The following PRKN variants were observed in gnomAD, a reference collection of about 807,000 sequenced individuals.
PRKN encodes E3 ubiquitin-protein ligase parkin.
A neutral mutation model predicts 59.5 loss-of-function variants in PRKN; 56 were observed. That is an observed-to-expected ratio of 0.94 (90% confidence interval 0.76 to 1.18). The LOEUF is 1.18. PRKN is among the 50% of genes most tolerant of loss of function. PRKN has a pLI of 0.00. For synonymous variants in PRKN, 250 were observed against 222.1 expected (o/e 1.13, Z -1.12); for missense variants, 657 against 596.4 (o/e 1.10, Z -1.06).
At chr6:161,717,287 G>A (rs1247564104) in intron 7 of PRKN, among the ~76,000 whole-genome samples, 1 of 152,212 alleles carries the variant, frequency 6.6e-6, no homozygotes, top group African/African-American at 2.4e-5. Flanking sequence ...CAAGAGGACT[G>A]AGAATGGCAT....
At chr6:162,664,357 T>TTG (rs1779015227) in intron 1 of PRKN, among the ~76,000 whole-genome samples, 9 of 152,198 alleles carry the variant, frequency 5.9e-5, no homozygotes, top group Admixed American at 5.9e-4. Flanking sequence ...TAAACATACG[T>TTG]GTACATATGT....
chr6:161,622,717 T>C (rs1782952414), intron 7 of PRKN, among the ~76,000 whole-genome samples: 1 of 152,196 alleles, frequency 6.6e-6, no homozygotes, highest in Non-Finnish European at 1.5e-5. Context: ...AGTTGATTTA[T>C]GAGGAAGAGG....
chr6:161,479,356 T>C (rs1791278106), intron 9 of PRKN, among the ~76,000 whole-genome samples: 1 of 152,236 alleles, frequency 6.6e-6, no homozygotes, highest in Non-Finnish European at 1.5e-5. Flanking sequence ...CCTAGAAAGA[T>C]AAGTAATAAT....
intron 1 of PRKN, among the ~76,000 whole-genome samples, chr6:162,517,368 C>T (rs926316041): frequency 6.6e-6 from 1 of 151,312 alleles, no homozygotes; most frequent in African/African-American, 2.4e-5. Context: ...TTGCCTCAGC[C>T]GCCGGAGTAG....
chr6:161,801,807 G>A (rs1377012875), intron 6 of PRKN, among the ~76,000 whole-genome samples: 2 of 152,126 alleles, frequency 1.3e-5, no homozygotes, highest in Non-Finnish European at 2.9e-5. Context: ...CCAGGACTGG[G>A]CACCCCAGGT....
At chr6:162,670,120 T>C (rs920521100) in intron 1 of PRKN, among the ~76,000 whole-genome samples, 1 of 152,184 alleles carries the variant, frequency 6.6e-6, no homozygotes, top group Non-Finnish European at 1.5e-5. Flanking sequence ...TACAACTGAT[T>C]ACATGTATGC....
intron 5 of PRKN, among the ~76,000 whole-genome samples, chr6:162,053,554 G>A (rs953698006): frequency 6.6e-6 from 1 of 152,164 alleles, no homozygotes; most frequent in African/African-American, 2.4e-5. Context: ...TGTGCAAAGA[G>A]AGAAAGGATT....
intron 7 of PRKN, among the ~76,000 whole-genome samples, chr6:161,755,702 A>C (rs1562658189): frequency 6.6e-6 from 1 of 152,160 alleles, no homozygotes; most frequent in African/African-American, 2.4e-5. Flanking sequence ...AATGTGGATA[A>C]TTCAACGTGA....
At chr6:161,961,806 T>C (rs1005854599) in intron 6 of PRKN, among the ~76,000 whole-genome samples, 1 of 151,250 alleles carries the variant, frequency 6.6e-6, no homozygotes, top group Non-Finnish European at 1.5e-5. Context: ...TACCTTATCT[T>C]TGATGGTAGA....
chr6:162,207,470 C>A (rs1447337448), intron 3 of PRKN, among the ~76,000 whole-genome samples: 1 of 152,154 alleles, frequency 6.6e-6, no homozygotes, highest in East Asian at 1.9e-4. Context: ...AACACGGAGG[C>A]TTCATTATCT....
intron 6 of PRKN, among the ~76,000 whole-genome samples, chr6:161,886,946 T>C (rs1044646569): frequency 2.0e-5 from 3 of 152,138 alleles, no homozygotes; most frequent in Admixed American, 2.0e-4. Flanking sequence ...TTGGGATATG[T>C]TTGCTTGTCA....
At chr6:161,662,656 A>G (rs1784588943) in intron 7 of PRKN, among the ~76,000 whole-genome samples, 1 of 127,088 alleles carries the variant, frequency 7.9e-6, no homozygotes, top group African/African-American at 2.5e-5. Flanking sequence ...AAAGTCTCTG[A>G]CCACTTTGTG....
At chr6:162,034,307 T>C (rs1783759537) in intron 5 of PRKN, among the ~76,000 whole-genome samples, 1 of 152,086 alleles carries the variant, frequency 6.6e-6, no homozygotes, top group African/African-American at 2.4e-5. Context: ...TGGAAGATGC[T>C]ATTATTATTC....
Position 162,406,701 on chromosome 6 carries a change from G to A in PRKN, c.171+36609C>T, listed in dbSNP as rs146726421. On this transcript the variant is annotated intron_variant, in intron 2 of 11. Coordinates refer to ENST00000366898, the MANE Select transcript of PRKN (RefSeq NM_004562.3). ...CTCCTTGAAGAGAAGAGATAGGAGC[G>A]CACTATCCACCATGAAAAGTTGAGG... Among the ~76,000 whole-genome samples, 588 of 152,172 alleles carry A rather than the reference G, an allele frequency of 3.9e-3. 13 individuals carry two copies. The highest frequency in any genetic ancestry group is 0.031 in the Admixed American group (471 of 15,288).
At position 161,428,623 on chromosome 6, in the gene PRKN, C is replaced by T. The variant is rs922605736; in HGVS notation, c.1084-41746G>A. Reference sequence around the variant, plus strand: ...GTTCTCTGAGTGTTTTTCCACACATCTGAAGGGCGATTCTTTGTCAACTGC... The same window carrying T: ...GTTCTCTGAGTGTTTTTCCACACATTTGAAGGGCGATTCTTTGTCAACTGC... On this transcript the variant is annotated intron_variant, in intron 9 of 11. Coordinates refer to ENST00000366898, the MANE Select transcript of PRKN (RefSeq NM_004562.3). This position sits in a 1 kb window ranked among gnomAD's most constrained non-coding sequence, Gnocchi z 4.0. 6.6e-6 allele frequency among the ~76,000 whole-genome samples: 1 copy of T among 152,174 alleles called. No homozygotes were observed. The highest frequency in any genetic ancestry group is 2.4e-5 in the African/African-American group (1 of 41,430).
At chr6:162,693,985 T>C (rs1478708978) in intron 1 of PRKN, among the ~76,000 whole-genome samples, 1 of 152,108 alleles carries the variant, frequency 6.6e-6, no homozygotes, top group African/African-American at 2.4e-5. Flanking sequence ...CGGTGGCTCA[T>C]GCCTGTAATC....
intron 9 of PRKN, among the ~76,000 whole-genome samples, chr6:161,542,842 T>C (rs1291127808): frequency 2.0e-5 from 3 of 152,212 alleles, no homozygotes; most frequent in African/African-American, 7.2e-5. Context: ...CTGTTCTTTC[T>C]GATGTCTCCC....
chr6:161,414,951 C>T lies in PRKN; in HGVS notation c.1084-28074G>A, dbSNP rs149463822. ...GGAGGAATTCACTTTCTTCCACCTA[C>T]ACACTGTTGGCAGCTCCTCAGAGGG... On this transcript the variant is annotated intron_variant, in intron 9 of 11. Coordinates refer to ENST00000366898, the MANE Select transcript of PRKN (RefSeq NM_004562.3). The surrounding 1 kb of genome is among the most constrained non-coding windows in gnomAD (Gnocchi z 5.3). Among the ~76,000 whole-genome samples, 1 of 152,340 alleles carries T rather than the reference C, an allele frequency of 6.6e-6. No homozygotes were observed. Among genetic ancestry groups the T allele is most frequent in the Non-Finnish European group, 1.5e-5 (1 of 68,040 alleles).
At chr6:161,704,378 T>C (rs1016955654) in intron 7 of PRKN, among the ~76,000 whole-genome samples, 1 of 152,188 alleles carries the variant, frequency 6.6e-6, no homozygotes, top group African/African-American at 2.4e-5. Context: ...CCTCATACTC[T>C]GACTCGTGCT....
Sources: gnomAD v4.1 joint callset for allele counts (sites outside exome capture counted in the v4.1 genomes callset) on GRCh38, gnomAD v4.1.1 for gene constraint, Gnocchi (gnomAD v3.1) non-coding constraint, MANE v1.5 for transcripts, NCBI Gene and HGNC (gene_info 2026-07-23, HGNC 2026-07-21) for gene names.